The following GRID1 variants were observed in gnomAD, a reference collection of about 807,000 sequenced individuals.
GRID1 encodes glutamate receptor ionotropic, delta-1.
In GRID1, 28 loss-of-function variants were observed where a neutral mutation model predicts 98.0. The observed-to-expected ratio is 0.29, with a 90% CI of 0.21 to 0.39. The LOEUF (loss-of-function observed/expected upper bound fraction) is 0.39. GRID1 is among the 10% of genes least tolerant of loss of function. The pLI, the probability that GRID1 is intolerant of heterozygous loss-of-function variation, is 1.00. For missense variants in GRID1, 1,111 were observed against 1,340.5 expected, an observed-to-expected ratio of 0.83 and a Z score of 2.67; for synonymous variants, 553 against 538.5, an observed-to-expected ratio of 1.03 and a Z score of -0.37.
chr10:86,169,423 A>G (rs1321978133), intron 3 of GRID1, among the ~76,000 whole-genome samples: 1 of 152,180 alleles, frequency 6.6e-6, no homozygotes, highest in African/African-American at 2.4e-5. Context: ...ATTTCAAGCT[A>G]CCAAGGGATA....
At chr10:85,857,046 C>T (rs1843117107) in intron 6 of GRID1, among the ~76,000 whole-genome samples, 2 of 152,146 alleles carry the variant, frequency 1.3e-5, no homozygotes, top group African/African-American at 4.8e-5. Flanking sequence ...CTCTGGTCGC[C>T]GGACACGCCT....
At chr10:85,897,877 AC>A (rs5786724) in intron 5 of GRID1, among the ~76,000 whole-genome samples, 54,277 of 151,500 alleles carry the variant, frequency 0.36, 10,595 homozygotes, top group African/African-American at 0.51. Flanking sequence ...CATCTCCCCA[AC>A]CCCCCACTGT....
chr10:85,606,198 T>A (rs1176402712), intron 15 of GRID1: 3 of 152,214 alleles, frequency 2.0e-5, no homozygotes, highest in African/African-American at 7.2e-5. Context: ...ATGAAGCAGT[T>A]CTAAGGACTG....
At chr10:85,807,008 A>T (rs1842628480) in intron 8 of GRID1, among the ~76,000 whole-genome samples, 1 of 152,170 alleles carries the variant, frequency 6.6e-6, no homozygotes, top group African/African-American at 2.4e-5. Context: ...GACAAATAGT[A>T]CTGCTTTTAA....
At chr10:86,154,012 G>A (rs549128298) in intron 3 of GRID1, among the ~76,000 whole-genome samples, 2 of 152,296 alleles carry the variant, frequency 1.3e-5, no homozygotes, top group South Asian at 4.1e-4. Context: ...CTGGACGGTG[G>A]AGCCATCCAT....
At chr10:85,954,741 C>T (rs1198301418) in intron 4 of GRID1, among the ~76,000 whole-genome samples, 1 of 152,114 alleles carries the variant, frequency 6.6e-6, no homozygotes, top group Non-Finnish European at 1.5e-5. Context: ...GTGCTAAACC[C>T]CCAAAATACA....
chr10:85,883,446 T>C (rs1305346578), intron 5 of GRID1, among the ~76,000 whole-genome samples: 4 of 152,112 alleles, frequency 2.6e-5, no homozygotes, highest in Non-Finnish European at 4.4e-5. Context: ...TTCTCACTCA[T>C]GGTGACTTTT....
chr10:86,233,951 G>A (rs991179151), intron 2 of GRID1, among the ~76,000 whole-genome samples: 6 of 147,360 alleles, frequency 4.1e-5, no homozygotes, highest in Admixed American at 6.8e-5. Context: ...GGGTGGGGAG[G>A]AGGGTGGGTG....
At chr10:85,628,718 C>T (rs1339161214) in intron 13 of GRID1, among the ~76,000 whole-genome samples, 1 of 152,164 alleles carries the variant, frequency 6.6e-6, no homozygotes, top group Non-Finnish European at 1.5e-5. Context: ...GGAGGCAAAC[C>T]AGGACAGGCT....
chr10:86,211,183 A>ATGCC (rs1208168001), intron 2 of GRID1, among the ~76,000 whole-genome samples: 1 of 152,252 alleles, frequency 6.6e-6, no homozygotes, highest in East Asian at 1.9e-4. Context: ...ACATAGTAGC[A>ATGCC]ACTCAGAAGT....
At chr10:85,764,621 T>C (rs1333581878) in intron 8 of GRID1, among the ~76,000 whole-genome samples, 1 of 152,218 alleles carries the variant, frequency 6.6e-6, no homozygotes, top group Non-Finnish European at 1.5e-5. Context: ...TCCGAAAGCC[T>C]CACAAACACA....
At chr10:86,036,557 T>A (rs989349940) in intron 4 of GRID1, among the ~76,000 whole-genome samples, 1 of 152,148 alleles carries the variant, frequency 6.6e-6, no homozygotes, top group African/African-American at 2.4e-5. Context: ...AGAACTGATT[T>A]CTCCAGAGGG....
chr10:85,683,929 C>T (rs1373234998), intron 12 of GRID1, among the ~76,000 whole-genome samples: 1 of 152,082 alleles, frequency 6.6e-6, no homozygotes, highest in African/African-American at 2.4e-5. Context: ...CACTACATTC[C>T]ACAACCTTTC....
chr10:85,877,519 T>A (rs540291489), intron 5 of GRID1, among the ~76,000 whole-genome samples: 33 of 152,258 alleles, frequency 2.2e-4, no homozygotes, highest in African/African-American at 7.9e-4. Flanking sequence ...GGGTCTGGAG[T>A]GGACCTCTAG....
At chr10:86,240,477 G>A (rs1177130990) in intron 2 of GRID1, among the ~76,000 whole-genome samples, 1 of 152,190 alleles carries the variant, frequency 6.6e-6, no homozygotes, top group East Asian at 1.9e-4. Context: ...GGCACTGAGA[G>A]GAAGGTGCAG....
chr10:85,681,884 C>T (rs979650677), intron 12 of GRID1, among the ~76,000 whole-genome samples: 1 of 152,020 alleles, frequency 6.6e-6, no homozygotes, highest in Non-Finnish European at 1.5e-5. Context: ...AGAGTTGAAC[C>T]AATGCTGGGG....
intron 2 of GRID1, among the ~76,000 whole-genome samples, chr10:86,216,290 G>A (rs931148305): frequency 1.3e-5 from 2 of 152,244 alleles, no homozygotes; most frequent in African/African-American, 4.8e-5. Flanking sequence ...GTCAGGGCCT[G>A]AAGCAGAGAT....
At chr10:85,604,784 T>A (rs1182883057) in intron 15 of GRID1, among the ~76,000 whole-genome samples, 2 of 152,248 alleles carry the variant, frequency 1.3e-5, no homozygotes, top group Non-Finnish European at 2.9e-5. Context: ...CATTTTTGCA[T>A]GTAAGACTAC....
chr10:85,966,442 A>G lies in GRID1; in HGVS notation c.727-50203T>C, dbSNP rs546067903. Among the ~76,000 whole-genome samples, 4 of 152,292 alleles carry G rather than the reference A, an allele frequency of 2.6e-5. No homozygotes were observed. In the South Asian group the frequency reaches 8.3e-4, roughly 32 times the overall value. On this transcript the variant is annotated intron_variant, in intron 4 of 15. Transcript: ENST00000327946. Reference sequence around the variant, plus strand: ...AATACAGAGAGTTGTAAGTACCTACATGAGCATCTAAAGCATGCCCCATCA... The same window carrying G: ...AATACAGAGAGTTGTAAGTACCTACGTGAGCATCTAAAGCATGCCCCATCA...
Sources: allele counts gnomAD v4.1 joint callset (sites outside exome capture counted in the v4.1 genomes callset), GRCh38; gene constraint gnomAD v4.1.1; transcripts MANE v1.5; gene names NCBI Gene and HGNC (gene_info 2026-07-23, HGNC 2026-07-21).